ADAM7: variants seen among roughly 807,000 people sequenced by gnomAD.
The protein encoded by ADAM7 is disintegrin and metalloproteinase domain-containing protein 7.
In ADAM7, 97 loss-of-function variants were observed where a neutral mutation model predicts 102.9. The observed-to-expected ratio is 0.94, with a 90% CI of 0.80 to 1.12. ADAM7 has a LOEUF of 1.12. Among genes scored for constraint, ADAM7 ranks in the 50% most tolerant of loss-of-function variants. The pLI is 0.00. For synonymous variants in ADAM7, 334 were observed against 304.4 expected, an observed-to-expected ratio of 1.10 and a Z score of -1.01; for missense variants, 991 against 908.7, an observed-to-expected ratio of 1.09 and a Z score of -1.16.
chr8:24,475,813 T>C, intron 7 of ADAM7: 1 of 392,098 alleles, frequency 2.6e-6, no homozygotes, highest in South Asian at 2.0e-5. Flanking sequence ...AGGTCTAAAT[T>C]GATAATTGAT....
intron 20 of ADAM7, among the ~76,000 whole-genome samples, chr8:24,507,120 A>G (rs1013916061): frequency 7.9e-5 from 12 of 152,076 alleles, no homozygotes; most frequent in Non-Finnish European, 1.5e-4. Flanking sequence ...TTTAAAATCA[A>G]TTTTACTGAG....
intron 7 of ADAM7, among the ~76,000 whole-genome samples, chr8:24,471,465 G>GTTT (rs35486240): frequency 0.021 from 3,024 of 146,568 alleles, 122 homozygotes; most frequent in African/African-American, 0.072. Flanking sequence ...AGTGTACCAG[G>GTTT]TTTTTTTTTT....
intron 20 of ADAM7, among the ~76,000 whole-genome samples, chr8:24,504,231 T>C (rs965917692): frequency 3.3e-5 from 5 of 151,630 alleles, no homozygotes; most frequent in Non-Finnish European, 7.4e-5. Flanking sequence ...CCAAACATAA[T>C]GGTGCACACC....
rs780752072 is a variant in ADAM7 at position 24,447,285 on chromosome 8, T to G, written c.233+23T>G. 3.8e-5 allele frequency: 51 copies of G among 1,336,298 alleles called. 1 individual carries two copies. The highest frequency in any genetic ancestry group is 5.1e-5 in the Non-Finnish European group (51 of 992,672). The allele number at this position is 1,336,298 out of a possible 1,614,324, so 82.8% of individuals were successfully genotyped here. ...CAGGTAAGTTCTATTGTGATTCCAG[T>G]ACCTTATAGATTTTAGTAATTATGG... On this transcript the variant is annotated intron_variant, in intron 3 of 21. Transcript: ENST00000175238.
chr8:24,500,450 T>C (rs1563397613), intron 18 of ADAM7, among the ~76,000 whole-genome samples, 194 bp downstream of exon 18: 2 of 152,186 alleles, frequency 1.3e-5, no homozygotes. Flanking sequence ...TTACAGCCAA[T>C]GTAGTCTCTT....
At chr8:24,445,708 A>T (rs1818532722) in intron 2 of ADAM7, among the ~76,000 whole-genome samples, 2 of 152,154 alleles carry the variant, frequency 1.3e-5, no homozygotes, top group Non-Finnish European at 2.9e-5. Flanking sequence ...CTGCCTAGAT[A>T]TTTTGCTTCT....
intron 7 of ADAM7, among the ~76,000 whole-genome samples, chr8:24,472,261 C>T (rs901410192): frequency 6.6e-6 from 1 of 151,650 alleles, no homozygotes; most frequent in African/African-American, 2.4e-5. Flanking sequence ...TTTCATTTAA[C>T]CAACTGATAT....
intron 3 of ADAM7, among the ~76,000 whole-genome samples, chr8:24,448,559 A>G (rs1342922507): frequency 6.6e-6 from 1 of 152,134 alleles, no homozygotes; most frequent in Non-Finnish European, 1.5e-5. Flanking sequence ...GTAATACAGT[A>G]ACAAACAGAA....
At chr8:24,466,379 T>C (rs1232209540) in intron 5 of ADAM7, among the ~76,000 whole-genome samples, 1 of 152,340 alleles carries the variant, frequency 6.6e-6, no homozygotes, top group African/African-American at 2.4e-5. Context: ...TCTTAGTGTT[T>C]TCAAGAATGA....
chr8:24,469,949 C>A (rs1042037477), intron 7 of ADAM7, among the ~76,000 whole-genome samples: 10 of 151,836 alleles, frequency 6.6e-5, no homozygotes, highest in African/African-American at 2.4e-4. Context: ...TAAAAGAGAA[C>A]ATAAGAGACA....
intron 4 of ADAM7, among the ~76,000 whole-genome samples, 168 bp downstream of exon 4, chr8:24,464,128 T>C (rs1432464581): frequency 6.6e-6 from 1 of 152,182 alleles, no homozygotes; most frequent in Non-Finnish European, 1.5e-5. Flanking sequence ...TACGATTGTG[T>C]GGACCCTAAC....
At chr8:24,467,214 T>G in intron 6 of ADAM7, 1 of 573,368 alleles carries the variant, frequency 1.7e-6, no homozygotes, top group Admixed American at 3.2e-5. Flanking sequence ...TACAATTCTA[T>G]GTATAGATTG....
chr8:24,463,783 T>C (rs1453414394), intron 3 of ADAM7, 99 bp from the exon 4 acceptor site: 1 of 1,002,518 alleles, frequency 1.0e-6, no homozygotes, highest in African/African-American at 1.6e-5. Flanking sequence ...CTTGCTGAGA[T>C]TTGGAAGCAA....
At chr8:24,500,935 T>C (rs752383622) in intron 19 of ADAM7, 40 bp downstream of exon 19, 2 of 1,498,076 alleles carry the variant, frequency 1.3e-6, no homozygotes, top group Admixed American at 1.7e-5. Context: ...AAGGGAATTG[T>C]TACTGAGAAT....
At chr8:24,488,924 G>T (rs939696390) in intron 11 of ADAM7, among the ~76,000 whole-genome samples, 9 of 152,112 alleles carry the variant, frequency 5.9e-5, no homozygotes, top group African/African-American at 1.9e-4. Context: ...TCTGTAAGGT[G>T]GGCTTCAGGA....
At chr8:24,500,980 G>T in intron 19 of ADAM7, 85 bp downstream of exon 19, 2 of 1,135,632 alleles carry the variant, frequency 1.8e-6, no homozygotes. Context: ...ATATTCAATG[G>T]GGGGAAGTAT....
In ADAM7 at chr8:24,506,182, G is replaced by C. The variant is rs569709488; in HGVS notation, c.2209-1298G>C. On this transcript the variant is annotated intron_variant, in intron 20 of 21. Transcript: ENST00000175238. ...GTACGTTCCCCTCCCCTTCCTCTTG[G>C]TGGTGGGCTATGTCCTTTCCAATAA... 6.0e-5 allele frequency: 91 copies of C among 1,509,422 alleles called. 1 individual carries two copies. The South Asian group carries it at 1.1e-3, about 18-fold the overall frequency. The allele number at this position is 1,509,422 out of a possible 1,614,324, so 93.5% of individuals were successfully genotyped here.
rs1819514112 is a variant in ADAM7, at chr8:24,468,821, G to T, written c.633+1G>T. On this transcript the variant is annotated splice_donor_variant, in intron 7 of 21. Transcript: ENST00000175238. LOFTEE classifies it high-confidence loss of function. ...GTTCATTGTTGCTGATGATACTGTG[G>T]TAAGTTTTCAATAGAACATTTCTCT... is the stretch of plus-strand genomic sequence containing the variant. 2.5e-6 allele frequency: 4 copies of T among 1,611,366 alleles called. No homozygotes were observed. In the South Asian group the frequency reaches 3.3e-5, roughly 13 times the overall value.
rs1020529467 is a variant in ADAM7 at position 24,458,331 on chromosome 8, T to A, written c.234-5551T>A. On this transcript the variant is annotated intron_variant, in intron 3 of 21. Coordinates refer to ENST00000175238, the MANE Select transcript of ADAM7 (RefSeq NM_003817.4). ...TCACGTTATAACTCATCTACTTTAA[T>A]GTTTATCAACATCTTTTAAAGTTTT... Among the ~76,000 whole-genome samples, 6 of 152,358 alleles carry A rather than the reference T, an allele frequency of 3.9e-5. No homozygotes were observed. In the East Asian group the frequency reaches 9.6e-4, roughly 24 times the overall value.
Sources: gnomAD v4.1 joint callset for allele counts (sites outside exome capture counted in the v4.1 genomes callset) on GRCh38, gnomAD v4.1.1 for gene constraint, MANE v1.5 for transcripts, NCBI Gene and HGNC (gene_info 2026-07-23, HGNC 2026-07-21) for gene names.